The following ANKRD6 variants were observed in gnomAD, a reference collection of about 807,000 sequenced individuals.
ANKRD6 encodes ankyrin repeat domain 6, also known as ankyrin repeat domain-containing protein 6.
ANKRD6 carries 56 observed loss-of-function variants against 82.3 expected under a neutral mutation model. The ratio of observed to expected loss-of-function variants is 0.68; its 90% CI spans 0.55 to 0.85. The LOEUF (loss-of-function observed/expected upper bound fraction) is 0.85, where lower values mean the gene tolerates loss of function less well. Ranked by LOEUF, ANKRD6 falls within the 40% of genes least tolerant of loss-of-function variation. The pLI is 0.00. For synonymous variants in ANKRD6, 347 were observed against 352.1 expected, an observed-to-expected ratio of 0.99 and a Z score of 0.16; for missense variants, 852 against 907.6, an observed-to-expected ratio of 0.94 and a Z score of 0.79.
intron 2 of ANKRD6, among the ~76,000 whole-genome samples, chr6:89,570,063 A>ATATG (rs1554242373): frequency 3.4e-5 from 5 of 148,870 alleles, no homozygotes; most frequent in African/African-American, 1.2e-4. Flanking sequence ...ATGTGTGTAT[A>ATATG]TGTGTGTGTG....
chr6:89,574,076 C>A (rs1313380001), intron 2 of ANKRD6, among the ~76,000 whole-genome samples: 1 of 152,192 alleles, frequency 6.6e-6, no homozygotes, highest in Non-Finnish European at 1.5e-5. Context: ...CTGTGTTTGA[C>A]AGAGGAGAAA....
chr6:89,579,756 C>CAAAAA (rs61159223), intron 2 of ANKRD6, among the ~76,000 whole-genome samples: 1,567 of 67,248 alleles, frequency 0.023, 89 homozygotes, highest in East Asian at 0.058. Flanking sequence ...GACCCTGTCT[C>CAAAAA]AAAAAAAAAA....
chr6:89,480,515 A>G (rs1359983220), intron 1 of ANKRD6, among the ~76,000 whole-genome samples: 8 of 151,328 alleles, frequency 5.3e-5, no homozygotes, highest in African/African-American at 7.3e-5. Flanking sequence ...AGGGCTACTT[A>G]TATATTTTGT....
At chr6:89,524,126 T>G (rs1782184277) in intron 1 of ANKRD6, among the ~76,000 whole-genome samples, 1 of 152,052 alleles carries the variant, frequency 6.6e-6, no homozygotes, top group Non-Finnish European at 1.5e-5. Context: ...CTTTCTGCTG[T>G]TTTGTTTGTT....
chr6:89,606,659 C>A (rs2128193129), intron 5 of ANKRD6, among the ~76,000 whole-genome samples: 1 of 152,250 alleles, frequency 6.6e-6, no homozygotes, highest in Non-Finnish European at 1.5e-5. Context: ...GGTTTGAGAC[C>A]AGCCTGGCCA....
intron 1 of ANKRD6, among the ~76,000 whole-genome samples, chr6:89,483,815 G>T (rs141821838): frequency 2.8e-4 from 42 of 152,280 alleles, no homozygotes; most frequent in Admixed American, 4.6e-4. Context: ...TAGCTACAAG[G>T]TTCAAAGGAC....
At chr6:89,573,549 T>C (rs1343004509) in intron 2 of ANKRD6, among the ~76,000 whole-genome samples, 1 of 152,202 alleles carries the variant, frequency 6.6e-6, no homozygotes, top group African/African-American at 2.4e-5. Flanking sequence ...CTCCCCTGTA[T>C]TAGATCCCTG....
intron 1 of ANKRD6, among the ~76,000 whole-genome samples, chr6:89,497,059 G>T (rs1192041112): frequency 6.6e-6 from 1 of 152,158 alleles, no homozygotes; most frequent in Non-Finnish European, 1.5e-5. Context: ...TGTCAGGGAT[G>T]CTTTCTCTCT....
At chr6:89,512,949 A>G (rs561113342) in intron 1 of ANKRD6, among the ~76,000 whole-genome samples, 25 of 150,910 alleles carry the variant, frequency 1.7e-4, no homozygotes, top group Non-Finnish European at 3.1e-4. Flanking sequence ...TTAAGAGATA[A>G]TGTCTTGCTC....
intron 1 of ANKRD6, among the ~76,000 whole-genome samples, chr6:89,476,266 A>G (rs1162044250): frequency 6.6e-6 from 1 of 151,800 alleles, no homozygotes; most frequent in African/African-American, 2.4e-5. Flanking sequence ...GCTCACTGCA[A>G]CCTCCGCCTC....
At chr6:89,520,853 G>A (rs1781804875) in intron 1 of ANKRD6, among the ~76,000 whole-genome samples, 1 of 152,174 alleles carries the variant, frequency 6.6e-6, no homozygotes, top group Non-Finnish European at 1.5e-5. Context: ...TGTAATCCCA[G>A]CATATGCTCC....
chr6:89,450,405 C>A (rs913702904), intron 1 of ANKRD6, among the ~76,000 whole-genome samples: 1 of 152,134 alleles, frequency 6.6e-6, no homozygotes, highest in East Asian at 1.9e-4. Flanking sequence ...CAACGATCAC[C>A]CTGATCAGTC....
At chr6:89,615,409 C>T (rs1400856429) in intron 7 of ANKRD6, among the ~76,000 whole-genome samples, 1 of 152,228 alleles carries the variant, frequency 6.6e-6, no homozygotes, top group Non-Finnish European at 1.5e-5. Context: ...GCTAGATCAT[C>T]AGGTGACCCC....
chr6:89,561,395 C>A (rs1182494667), intron 1 of ANKRD6: 1 of 152,192 alleles, frequency 6.6e-6, no homozygotes, highest in Non-Finnish European at 1.5e-5. Flanking sequence ...CCTGTCATTT[C>A]CCTTCTTTCG....
chr6:89,566,648 C>T (rs746886758), intron 1 of ANKRD6, among the ~76,000 whole-genome samples, 186 bp from the exon 2 acceptor site: 4 of 152,226 alleles, frequency 2.6e-5, no homozygotes, highest in Non-Finnish European at 5.9e-5. Context: ...CATTCTGCTG[C>T]CTTCCACTTG....
At position 89,524,635 on chromosome 6, in the gene ANKRD6, G is replaced by A. The variant is rs915888177; in HGVS notation, c.-143-42199G>A. On this transcript the variant is annotated intron_variant, in intron 1 of 15. Transcript: ENST00000339746. ...TTTTTTAGCCACATGTTGATTGATG[G>A]GCATTTAGGCTGGTTTCATATTTTT... 2.0e-5 allele frequency among the ~76,000 whole-genome samples: 3 copies of A among 152,130 alleles called. No individual in the cohort carries two copies. In the South Asian group the frequency reaches 6.2e-4, roughly 32 times the overall value.
intron 1 of ANKRD6, among the ~76,000 whole-genome samples, chr6:89,497,821 T>C (rs1562643738): frequency 6.6e-6 from 1 of 152,210 alleles, no homozygotes; most frequent in Non-Finnish European, 1.5e-5. Context: ...GAATCCAGTT[T>C]GAGAACGTTT....
intron 1 of ANKRD6, among the ~76,000 whole-genome samples, chr6:89,556,530 A>T (rs1786622239): frequency 6.6e-6 from 1 of 152,234 alleles, no homozygotes; most frequent in Non-Finnish European, 1.5e-5. Context: ...GCAGATTTCC[A>T]TATATAAGCT....
At chr6:89,556,300 A>C (rs545541001) in intron 1 of ANKRD6, among the ~76,000 whole-genome samples, 1 of 152,262 alleles carries the variant, frequency 6.6e-6, no homozygotes, top group Non-Finnish European at 1.5e-5. Flanking sequence ...ATCCAGACAG[A>C]GCACAGAGAA....
Sources: allele counts gnomAD v4.1 joint callset (sites outside exome capture counted in the v4.1 genomes callset), GRCh38; gene constraint gnomAD v4.1.1; transcripts MANE v1.5; gene names NCBI Gene and HGNC (gene_info 2026-07-23, HGNC 2026-07-21).